The following MAPKBP1 variants were observed in gnomAD, a reference collection of about 807,000 sequenced individuals.
MAPKBP1 encodes the protein mitogen-activated protein kinase binding protein 1.
A neutral mutation model predicts 170.5 loss-of-function variants in MAPKBP1; 71 were observed. The observed-to-expected ratio is 0.42, with a 90% CI of 0.34 to 0.51. The LOEUF is 0.51. Ranked by LOEUF, MAPKBP1 falls within the 20% of genes least tolerant of loss-of-function variation. The pLI is 0.06. For synonymous variants in MAPKBP1, 719 were observed against 757.9 expected (o/e 0.95, Z 0.84); for missense variants, 1,598 against 1,933.0 (o/e 0.83, Z 3.25).
intron 2 of MAPKBP1, among the ~76,000 whole-genome samples, chr15:41,780,975 G>T (rs2064176278): frequency 6.6e-6 from 1 of 151,964 alleles, no homozygotes; most frequent in Admixed American, 6.6e-5. Context: ...ACAGAAGAAT[G>T]AGTTTACAGT....
At chr15:41,788,557 C>T (rs1256093941) in intron 2 of MAPKBP1, among the ~76,000 whole-genome samples, 1 of 152,102 alleles carries the variant, frequency 6.6e-6, no homozygotes, top group East Asian at 1.9e-4. Context: ...GGGGATGTGA[C>T]ATTTGAGCTG....
intron 8 of MAPKBP1, 197 bp from the exon 9 acceptor site, chr15:41,813,424 T>TGG (rs1265041922): frequency 9.5e-6 from 14 of 1,476,262 alleles, no homozygotes; most frequent in African/African-American, 1.4e-5. Context: ...CTGGATCCTC[T>TGG]GGTGCCTAGA....
At chr15:41,775,898 G>T (rs757499641) in intron 2 of MAPKBP1, among the ~76,000 whole-genome samples, 1 of 152,188 alleles carries the variant, frequency 6.6e-6, no homozygotes, top group Non-Finnish European at 1.5e-5. Context: ...TCTTCAAGAG[G>T]CTAACTGGAG....
Position 41,815,303 on chromosome 15 carries a change from C to T in MAPKBP1, c.1215C>T (p.Pro405=). ...VKDSNQACLP[P]SSFITCSSDN... ...ATAGTAACCAGGCCTGCCTGCCCCCCAGTTCCTTTATTACCTGCTCCTCAG... is the reference window on the plus strand; with the variant it reads ...ATAGTAACCAGGCCTGCCTGCCCCCTAGTTCCTTTATTACCTGCTCCTCAG... The change falls in exon 11 of 31, where the codon CCC becomes CCT. Residue 405 remains proline, a synonymous_variant. Coordinates refer to ENST00000457542, the MANE Select transcript of MAPKBP1 (RefSeq NM_014994.3). The T allele has an allele frequency of 6.2e-7, 1 of 1,614,236 alleles. No individual in the cohort carries two copies. Among genetic ancestry groups the T allele is most frequent in the South Asian group, 1.1e-5 (1 of 91,088 alleles).
chr15:41,779,846 G>A (rs2064155289), intron 2 of MAPKBP1, among the ~76,000 whole-genome samples: 1 of 152,196 alleles, frequency 6.6e-6, no homozygotes, highest in South Asian at 2.1e-4. Flanking sequence ...CTGTCTCTGA[G>A]GTCTCTTGAA....
chr15:41,795,901 A>G (rs562258562), intron 2 of MAPKBP1, among the ~76,000 whole-genome samples: 17 of 152,192 alleles, frequency 1.1e-4, no homozygotes, highest in Admixed American at 1.0e-3. Flanking sequence ...GAGCCACCAC[A>G]CCCGGCCTCT....
chr15:41,777,341 A>C (rs2064115056), intron 2 of MAPKBP1, among the ~76,000 whole-genome samples: 1 of 136,520 alleles, frequency 7.3e-6, no homozygotes, highest in Non-Finnish European at 1.6e-5. Context: ...ACTCCGTCTC[A>C]AAAAAAAAAA....
At chr15:41,786,777 A>AAAAAAAAAATATATATAT in intron 2 of MAPKBP1, among the ~76,000 whole-genome samples, 1 of 32,454 alleles carries the variant, frequency 3.1e-5, no homozygotes, top group Non-Finnish European at 5.6e-5. Context: ...AAAAAAAAAA[A>AAAAAAAAAATATATATAT]ATATATATAT....
chr15:41,787,149 C>A (rs1349796351), intron 2 of MAPKBP1, among the ~76,000 whole-genome samples: 1 of 151,912 alleles, frequency 6.6e-6, no homozygotes, highest in African/African-American at 2.4e-5. Context: ...TTTCTAATAT[C>A]TTCAAAAATA....
intron 8 of MAPKBP1, 118 bp downstream of exon 8, chr15:41,813,219 A>C: frequency 6.6e-7 from 1 of 1,518,372 alleles, no homozygotes; most frequent in South Asian, 1.2e-5. Context: ...TCCCAGGAGA[A>C]CGAAGCTTGG....
At chr15:41,802,665 G>C (rs556912055) in intron 3 of MAPKBP1, among the ~76,000 whole-genome samples, 2 of 152,258 alleles carry the variant, frequency 1.3e-5, no homozygotes, top group South Asian at 4.1e-4. Context: ...GTAGAGATGG[G>C]GTTTCGCCAT....
At chr15:41,810,717 CAAAAAAAAAAAAAA>C in intron 3 of MAPKBP1, 152 bp from the exon 4 acceptor site, 1 of 430,510 alleles carries the variant, frequency 2.3e-6, no homozygotes, top group Non-Finnish European at 4.0e-6. Context: ...GATCCTGTCT[CAAAAAAAAAAAAAA>C]AAAAAAAAGA....
intron 4 of MAPKBP1, 26 bp from the exon 5 acceptor site, chr15:41,811,152 C>G (rs770135257): frequency 1.2e-6 from 2 of 1,614,044 alleles, no homozygotes; most frequent in Non-Finnish European, 1.7e-6. Flanking sequence ...GCCAGTGCCC[C>G]TCTGAGCCTG....
chr15:41,812,106 C>G lies in MAPKBP1; in HGVS notation c.477C>G (p.Ile159Met). Residue 159 changes from isoleucine to methionine, a missense_variant, in exon 6 of 31, where the codon ATC becomes ATG. Coordinates refer to ENST00000457542, the MANE Select transcript of MAPKBP1 (RefSeq NM_014994.3). ...IVSVGYQHDM[I>M]VNVWAWKKNI... ...CTGTGGGCTACCAGCATGACATGAT[C>G]GTCAACGTGTGGGCCTGGAAGGTGA... The G allele has an allele frequency of 6.2e-7, 1 of 1,614,070 alleles. No homozygotes were observed. The highest frequency in any genetic ancestry group is 8.5e-7 in the Non-Finnish European group (1 of 1,180,016).
intron 2 of MAPKBP1, among the ~76,000 whole-genome samples, chr15:41,792,820 C>T (rs1052121746): frequency 6.6e-6 from 1 of 152,168 alleles, no homozygotes; most frequent in Non-Finnish European, 1.5e-5. Context: ...TCTTTCCTAA[C>T]TCACTTTCTT....
intron 3 of MAPKBP1, among the ~76,000 whole-genome samples, chr15:41,800,451 T>C (rs1028053618): frequency 1.1e-4 from 16 of 151,788 alleles, no homozygotes; most frequent in African/African-American, 3.9e-4. Context: ...CAAGCAATCC[T>C]CCCACCTCAG....
rs1355289627 is a variant in MAPKBP1 at position 41,823,530 on chromosome 15, C to G, written c.3682C>G (p.Leu1228Val). The part of the protein sequence containing the change: ...EIEAQDGLGS[L>V]PPADGRPSRP... ...CGAAGCTCAGGATGGTCTGGGCTCC[C>G]TGCCCCCAGCTGATGGCCGTCCGTC... is the stretch of plus-strand genomic sequence containing the variant. Residue 1228 changes from leucine to valine, a missense_variant, in exon 29 of 31, where the codon CTG becomes GTG. By Grantham distance (32) the Leu-to-Val change is conservative (BLOSUM62 1). Coordinates refer to ENST00000457542, the MANE Select transcript of MAPKBP1 (RefSeq NM_014994.3). The G allele has an allele frequency of 1.9e-6, 3 of 1,614,072 alleles. No individual in the cohort carries two copies. In the African/African-American group the frequency reaches 4.0e-5, roughly 22 times the overall value.
chr15:41,806,034 GC>G (rs2064684820), intron 3 of MAPKBP1, among the ~76,000 whole-genome samples: 1 of 152,124 alleles, frequency 6.6e-6, no homozygotes, highest in Non-Finnish European at 1.5e-5. Flanking sequence ...TTGAGATCTT[GC>G]CCCTAGTGAC....
chr15:41,820,210 C>T (rs1360613273), intron 22 of MAPKBP1, among the ~76,000 whole-genome samples: 2 of 152,140 alleles, frequency 1.3e-5, no homozygotes, highest in African/African-American at 2.4e-5. Flanking sequence ...CCAGTACCTT[C>T]CGTTGTCAGC....
Sources: allele counts gnomAD v4.1 joint callset (sites outside exome capture counted in the v4.1 genomes callset), GRCh38; gene constraint gnomAD v4.1.1; transcripts MANE v1.5; gene names NCBI Gene and HGNC (gene_info 2026-07-23, HGNC 2026-07-21).